WDR75: variants seen among roughly 807,000 people sequenced by gnomAD.
The protein encoded by WDR75 is WD repeat domain 75.
In WDR75, 52 loss-of-function variants were observed where a neutral mutation model predicts 106.1. The ratio of observed to expected loss-of-function variants is 0.49; its 90% confidence interval spans 0.39 to 0.62. The LOEUF is 0.62. Ranked by LOEUF, WDR75 falls within the 20% of genes least tolerant of loss-of-function variation. The pLI, the probability that WDR75 is intolerant of heterozygous loss-of-function variation, is 0.00. For synonymous variants in WDR75, 333 were observed against 335.5 expected (o/e 0.99, Z 0.08); for missense variants, 905 against 970.3 (o/e 0.93, Z 0.89).
At chr2:189,460,908 G>C (rs975391082) in intron 8 of WDR75, among the ~76,000 whole-genome samples, 1 of 152,188 alleles carries the variant, frequency 6.6e-6, no homozygotes, top group Non-Finnish European at 1.5e-5. Flanking sequence ...CTTACTGACT[G>C]TGTGGGTATG....
intron 14 of WDR75, among the ~76,000 whole-genome samples, chr2:189,467,858 A>T (rs910618225): frequency 1.3e-5 from 2 of 152,196 alleles, no homozygotes; most frequent in African/African-American, 4.8e-5. Context: ...CTCTTGGCCT[A>T]CATATTTTTT....
At chr2:189,475,073 C>G in intron 20 of WDR75, 140 bp from the exon 21 acceptor site, 1 of 724,472 alleles carries the variant, frequency 1.4e-6, no homozygotes, top group Non-Finnish European at 2.2e-6. Flanking sequence ...TTATAAATAA[C>G]CCATAATTTT....
At chr2:189,459,300 T>A in intron 7 of WDR75, 36 bp from the exon 8 acceptor site, 1 of 1,505,902 alleles carries the variant, frequency 6.6e-7, no homozygotes, top group Non-Finnish European at 9.1e-7. Flanking sequence ...AACTTAAACC[T>A]ATGGTCAAAA....
chr2:189,450,064 T>C (rs1686584030), intron 2 of WDR75: 1 of 977,000 alleles, frequency 1.0e-6, no homozygotes, highest in African/African-American at 1.8e-5. Flanking sequence ...CACAGACCAG[T>C]GTCCTAAACC....
At chr2:189,442,439 A>ATTTTTTT (rs1553484498) in intron 1 of WDR75, among the ~76,000 whole-genome samples, 7 of 56,900 alleles carry the variant, frequency 1.2e-4, no homozygotes, top group Non-Finnish European at 2.5e-4. Context: ...CCTCCACAAT[A>ATTTTTTT]TTCTTTTTTT....
rs1482333605 is a variant in WDR75 at position 189,470,837 on chromosome 2, A to G, written c.2008A>G (p.Thr670Ala). 6.3e-7 allele frequency: 1 copy of G among 1,595,406 alleles called. No individual in the cohort carries two copies. The change falls in exon 18 of 21, where the codon ACA becomes GCA. Residue 670 changes from threonine to alanine, a missense_variant. Transcript: ENST00000314761. ...TTTTCAGAGTTTATTGACATTCAGT[A>G]CAAAGTCTCCAGAAGAAAAACTCAC... Reference protein sequence around the residue: ...TKSQSLLTFSTKSPEEKLTPT... With the variant: ...TKSQSLLTFSAKSPEEKLTPT...
intron 1 of WDR75, among the ~76,000 whole-genome samples, chr2:189,445,710 G>T (rs1221702298): frequency 1.3e-5 from 2 of 152,202 alleles, no homozygotes; most frequent in African/African-American, 4.8e-5. Context: ...AACATGCTGT[G>T]CTTATGTAAA....
chr2:189,465,388 A>T, intron 12 of WDR75, 134 bp downstream of exon 12: 1 of 932,662 alleles, frequency 1.1e-6, no homozygotes, highest in Non-Finnish European at 1.5e-6. Flanking sequence ...GTTTTATTCT[A>T]ATAAAACCTT....
At chr2:189,445,273 T>G (rs866644601) in intron 1 of WDR75, among the ~76,000 whole-genome samples, 10 of 152,214 alleles carry the variant, frequency 6.6e-5, no homozygotes, top group Non-Finnish European at 4.4e-5. Flanking sequence ...CCATTTGTGT[T>G]TGACTTATTA....
intron 19 of WDR75, 88 bp from the exon 20 acceptor site, chr2:189,474,629 A>G (rs1340853040): frequency 8.5e-7 from 1 of 1,169,870 alleles, no homozygotes; most frequent in African/African-American, 1.5e-5. Flanking sequence ...CATTTACAAT[A>G]AAAGGGACTC....
Position 189,465,250 on chromosome 2 carries a change from C to G in WDR75, c.1285C>G (p.Gln429Glu), listed in dbSNP as rs1354355866. 6.2e-7 allele frequency: 1 copy of G among 1,611,052 alleles called. No individual in the cohort carries two copies. The highest frequency in any genetic ancestry group is 1.3e-5 in the African/African-American group (1 of 74,870). The change falls in exon 12 of 21, where the codon CAA (glutamine) becomes GAA (glutamate). Residue 429 changes from glutamine (Q) to glutamate (E), a missense_variant. Transcript: ENST00000314761. Reference protein sequence around the residue: ...MKLWMYNKKTQGFILNTKINM... With the variant: ...MKLWMYNKKTEGFILNTKINM... ...ACTGTGGATGTATAATAAGAAAACA[C>G]AAGGGTAATACTATCTGTGTAGCCA...
intron 13 of WDR75, 62 bp downstream of exon 13, chr2:189,466,644 TC>T (rs1446193789): frequency 2.0e-6 from 3 of 1,510,526 alleles, no homozygotes; most frequent in African/African-American, 1.4e-5. Flanking sequence ...TTTCTTTTTC[TC>T]ATGACTTGTA....
chr2:189,470,953 GA>G lies in WDR75; in HGVS notation c.2049+82del, dbSNP rs1228250456. 1.9e-5 allele frequency: 22 copies of G among 1,162,012 alleles called. No individual in the cohort carries two copies. The East Asian group carries it at 3.8e-4, about 20-fold the overall frequency. 72.0% of individuals were successfully genotyped at this position (1,162,012 alleles called of 1,614,324 possible). A position where few individuals can be genotyped will look rare whatever the true frequency, so the allele number is the denominator to read the frequency against. ...CAATTACCTTTTAGAAGTCAACTAT[GA>G]AAAAAATATTTCACTTGGCCCTAAA... On this transcript the variant is annotated intron_variant, in intron 18 of 20. Coordinates refer to ENST00000314761, the MANE Select transcript of WDR75 (RefSeq NM_032168.3).
intron 4 of WDR75, chr2:189,452,137 C>A (rs1686635275): frequency 5.2e-6 from 2 of 383,690 alleles, no homozygotes; most frequent in East Asian, 9.9e-5. Flanking sequence ...AATTTTAAAT[C>A]TGCTTTACAA....
intron 7 of WDR75, 51 bp downstream of exon 7, chr2:189,458,923 T>A (rs771900001): frequency 1.9e-6 from 3 of 1,540,140 alleles, no homozygotes; most frequent in Non-Finnish European, 2.6e-6. Context: ...TATTTTACGT[T>A]AGTCCTGTAG....
intron 18 of WDR75, among the ~76,000 whole-genome samples, chr2:189,472,275 A>G (rs982294029): frequency 2.0e-5 from 3 of 152,188 alleles, no homozygotes; most frequent in Non-Finnish European, 4.4e-5. Flanking sequence ...CATGCATGGG[A>G]TGCAGCTTGT....
chr2:189,454,429 C>T (rs74415056), intron 4 of WDR75, among the ~76,000 whole-genome samples: 9,787 of 152,034 alleles, frequency 0.064, 496 homozygotes, highest in African/African-American at 0.14. Context: ...AGCTACTCAG[C>T]TGACCAACAT....
intron 8 of WDR75, among the ~76,000 whole-genome samples, 190 bp downstream of exon 8, chr2:189,459,614 C>G (rs1248263029): frequency 6.6e-6 from 1 of 152,132 alleles, no homozygotes; most frequent in Non-Finnish European, 1.5e-5. Context: ...CTTCAAAGTT[C>G]TAAAGTGTAC....
At chr2:189,456,431 G>A (rs772428802) in intron 5 of WDR75, among the ~76,000 whole-genome samples, 1 of 151,944 alleles carries the variant, frequency 6.6e-6, no homozygotes, top group Non-Finnish European at 1.5e-5. Flanking sequence ...ATGGAGTGCC[G>A]CTCAGCAATA....
Sources: gnomAD v4.1 joint callset for allele counts (sites outside exome capture counted in the v4.1 genomes callset) on GRCh38, gnomAD v4.1.1 for gene constraint, MANE v1.5 for transcripts, NCBI Gene and HGNC (gene_info 2026-07-23, HGNC 2026-07-21) for gene names.